Variants in ALKBH3 observed in about 807,000 individuals in gnomAD.
ALKBH3 encodes alkB homolog 3, alpha-ketoglutarate dependent dioxygenase.
In ALKBH3, 51 loss-of-function variants were observed where a neutral mutation model predicts 43.9. The observed-to-expected ratio is 1.16, with a 90% CI of 0.93 to 1.47. The LOEUF (loss-of-function observed/expected upper bound fraction) is 1.47. ALKBH3 is among the 40% of genes most tolerant of loss of function. The probability of loss-of-function intolerance (pLI) is 0.00; values close to 1 mark genes in which losing one functional copy is unlikely to be tolerated. For synonymous variants in ALKBH3, 102 were observed against 115.2 expected (o/e 0.89, Z 0.73); for missense variants, 361 against 351.9 (o/e 1.03, Z -0.21).
chr11:43,884,916 T>C (rs1951737101), intron 4 of ALKBH3, among the ~76,000 whole-genome samples: 1 of 151,224 alleles, frequency 6.6e-6, no homozygotes, highest in Non-Finnish European at 1.5e-5. Flanking sequence ...CATGCCTTGC[T>C]CCTTTTTTAA....
intron 9 of ALKBH3, among the ~76,000 whole-genome samples, chr11:43,919,366 C>G (rs1000186486): frequency 6.6e-6 from 1 of 152,140 alleles, no homozygotes; most frequent in African/African-American, 2.4e-5. Flanking sequence ...TCTGTGCTGC[C>G]TATTGTAGTA....
At position 43,886,534 on chromosome 11, in the gene ALKBH3, G is replaced by GT; in HGVS notation, c.219-72_219-71insT. On this transcript the variant is annotated intron_variant, in intron 4 of 9. Transcript: ENST00000302708. The stretch of plus-strand genomic sequence containing the variant: ...AGCCAGGACTTTGGCAGTTCAGAAG[G>GT]ATAACTCTTCCACTGGGTATAGCAT... The GT allele has an allele frequency of 2.7e-6, 4 of 1,501,856 alleles. No individual in the cohort carries two copies. In the South Asian group the frequency reaches 3.5e-5, roughly 13 times the overall value. The allele number at this position is 1,501,856 out of a possible 1,614,324, so 93.0% of individuals were successfully genotyped here.
chr11:43,889,991 C>A (rs778738578), intron 6 of ALKBH3, among the ~76,000 whole-genome samples, 163 bp downstream of exon 6: 1 of 152,076 alleles, frequency 6.6e-6, no homozygotes, highest in Admixed American at 6.5e-5. Context: ...GAAGAGTATT[C>A]CAGGCAGGAG....
chr11:43,914,924 G>A (rs1327646245), intron 8 of ALKBH3, among the ~76,000 whole-genome samples: 1 of 152,066 alleles, frequency 6.6e-6, no homozygotes, highest in Non-Finnish European at 1.5e-5. Flanking sequence ...GTTGAACTTG[G>A]GCTGGGTGTG....
intron 5 of ALKBH3, among the ~76,000 whole-genome samples, chr11:43,887,529 C>G (rs145069249): frequency 1.3e-5 from 2 of 151,972 alleles, no homozygotes; most frequent in Non-Finnish European, 2.9e-5. Context: ...AGGCTGGTCT[C>G]GAACTCCTGA....
intron 4 of ALKBH3, 24 bp from the exon 5 acceptor site, chr11:43,886,582 A>G: frequency 1.9e-6 from 3 of 1,613,680 alleles, no homozygotes; most frequent in Non-Finnish European, 2.5e-6. Flanking sequence ...CAAACTAACA[A>G]GTCTGTTTCC....
At chr11:43,894,851 A>G (rs1189241329) in intron 7 of ALKBH3, among the ~76,000 whole-genome samples, 1 of 152,310 alleles carries the variant, frequency 6.6e-6, no homozygotes, top group East Asian at 1.9e-4. Flanking sequence ...TTTTTGTTTT[A>G]TGAGTGTGGA....
intron 9 of ALKBH3, chr11:43,919,488 G>T: frequency 3.3e-6 from 1 of 299,556 alleles, no homozygotes; most frequent in South Asian, 5.4e-5. Flanking sequence ...AGGGTAGCTA[G>T]TGACTATCTT....
chr11:43,913,117 A>C (rs1034531149), intron 8 of ALKBH3, among the ~76,000 whole-genome samples: 10 of 152,142 alleles, frequency 6.6e-5, no homozygotes, highest in African/African-American at 2.2e-4. Context: ...AAAAAAAAAA[A>C]AAAAACAAGT....
At position 43,892,023 on chromosome 11, in the gene ALKBH3, C is replaced by T; in HGVS notation, c.371-18C>T. 3.8e-6 allele frequency: 6 copies of T among 1,586,894 alleles called. No individual in the cohort carries two copies. Among genetic ancestry groups the T allele is most frequent in the Non-Finnish European group, 5.2e-6 (6 of 1,155,560 alleles). On this transcript the variant is annotated intron_variant, in intron 6 of 9. Transcript: ENST00000302708. Reference sequence around the variant, plus strand: ...AATAGCATTAAACCATTTCAAAGGCCTGTATTTTCTTTCTTAGATATAACT... The same window carrying T: ...AATAGCATTAAACCATTTCAAAGGCTTGTATTTTCTTTCTTAGATATAACT...
chr11:43,893,233 G>T lies in ALKBH3; in HGVS notation c.459+1104G>T, dbSNP rs1951796241. 2.0e-5 allele frequency among the ~76,000 whole-genome samples: 3 copies of T among 152,118 alleles called. No homozygotes were observed. In the South Asian group the frequency reaches 6.2e-4, roughly 31 times the overall value. The stretch of plus-strand genomic sequence containing the variant: ...ATTTTGGGCTGGATAATTCTTTCTT[G>T]TGGGTCTATCCCTTGCATTGTAGGA... On this transcript the variant is annotated intron_variant, in intron 7 of 9. Coordinates refer to ENST00000302708, the MANE Select transcript of ALKBH3 (RefSeq NM_139178.4).
chr11:43,918,243 A>G (rs1951999299), intron 8 of ALKBH3, among the ~76,000 whole-genome samples: 1 of 152,254 alleles, frequency 6.6e-6, no homozygotes, highest in South Asian at 2.1e-4. Flanking sequence ...GAGGAGCCAC[A>G]CTACCAGTTA....
At chr11:43,911,418 G>A (rs1951937830) in intron 8 of ALKBH3, among the ~76,000 whole-genome samples, 2 of 152,172 alleles carry the variant, frequency 1.3e-5, no homozygotes, top group African/African-American at 4.8e-5. Context: ...TGTCCCTGCT[G>A]GAGGAGTTCC....
rs369679188 is a variant in ALKBH3 at position 43,919,944 on chromosome 11, T to C, written c.795T>C (p.Ser265=). The C allele has an allele frequency of 3.1e-6, 5 of 1,614,060 alleles. No homozygotes were observed. The African/African-American group carries it at 6.7e-5, about 22-fold the overall frequency. The change falls in exon 10 of 10, where the codon TCT becomes TCC. Residue 265 remains serine (S), a synonymous_variant. Coordinates refer to ENST00000302708, the MANE Select transcript of ALKBH3 (RefSeq NM_139178.4). The stretch of plus-strand genomic sequence containing the variant: ...ATCGAGTGCCCAAAGAATACCACTC[T>C]AGAGAACCGAGAGTGAACCTGACCT... The part of the protein sequence containing the change: ...WQHRVPKEYH[S]REPRVNLTFR...
chr11:43,886,620 A>G lies in ALKBH3; in HGVS notation c.233A>G (p.Tyr78Cys), dbSNP rs201379437. The change falls in exon 5 of 10, where the codon TAT (tyrosine) becomes TGT (cysteine). Residue 78 changes from tyrosine to cysteine, a missense_variant. Transcript: ENST00000302708. ...TGTTTCTTTAGCAGAGAGGGTGTGT[A>G]TGAAATCAGCCTGTCACCCACAGGT... ...EPRVIDREGV[Y>C]EISLSPTGVS... is the part of the protein sequence containing the mutation. The G allele has an allele frequency of 2.5e-6, 4 of 1,614,184 alleles. No individual in the cohort carries two copies. The Admixed American group carries it at 5.0e-5, about 20-fold the overall frequency.
intron 5 of ALKBH3, among the ~76,000 whole-genome samples, chr11:43,889,051 G>A (rs1027483895): frequency 1.3e-5 from 2 of 151,854 alleles, no homozygotes; most frequent in African/African-American, 4.8e-5. Flanking sequence ...TTTTCGAGAT[G>A]GAGTTTTGCT....
At chr11:43,904,295 G>C (rs2135195173) in intron 8 of ALKBH3, among the ~76,000 whole-genome samples, 1 of 152,328 alleles carries the variant, frequency 6.6e-6, no homozygotes, top group East Asian at 1.9e-4. Flanking sequence ...GTTGCCTGAG[G>C]AAAGGGATTT....
chr11:43,899,872 G>GAAAAAAAAAAAAAAAAAAGAAAAAAA (rs10636253), intron 7 of ALKBH3, among the ~76,000 whole-genome samples: 1 of 121,946 alleles, frequency 8.2e-6, no homozygotes, highest in Non-Finnish European at 1.7e-5. Context: ...GTGGTCTCAG[G>GAAAAAAAAAAAAAAAAAAGAAAAAAA]AAAAAAAAAA....
chr11:43,884,117 A>G (rs952383456), intron 4 of ALKBH3, 100 bp downstream of exon 4: 18 of 1,395,936 alleles, frequency 1.3e-5, no homozygotes, highest in African/African-American at 7.2e-5. Context: ...GAATGGCCCA[A>G]TAAGTGTCTT....
Sources: allele counts gnomAD v4.1 joint callset (sites outside exome capture counted in the v4.1 genomes callset), GRCh38; gene constraint gnomAD v4.1.1; transcripts MANE v1.5; gene names NCBI Gene and HGNC (gene_info 2026-07-23, HGNC 2026-07-21).